Variants in TRIB2 observed in about 807,000 individuals in gnomAD.
The protein encoded by TRIB2 is tribbles pseudokinase 2, also known as tribbles homolog 2.
Under a neutral mutation model 26.8 loss-of-function variants are expected in TRIB2, and 2 were observed. The ratio of observed to expected loss-of-function variants is 0.07; its 90% CI spans 0.03 to 0.24. The LOEUF is 0.24. Ranked by LOEUF, TRIB2 falls within the 10% of genes least tolerant of loss-of-function variation. The pLI is 1.00. For synonymous variants in TRIB2, 189 were observed against 187.3 expected, an observed-to-expected ratio of 1.01 and a Z score of -0.08; for missense variants, 306 against 449.0, an observed-to-expected ratio of 0.68 and a Z score of 2.88.
At chr2:12,727,737 T>C (rs529159199) in intron 2 of TRIB2, among the ~76,000 whole-genome samples, 3 of 152,292 alleles carry the variant, frequency 2.0e-5, no homozygotes, top group East Asian at 1.9e-4. Context: ...CCCAGAGGCA[T>C]TGAGCAGCAT....
chr2:12,721,530 AG>A (rs1478301116), intron 1 of TRIB2, among the ~76,000 whole-genome samples: 1 of 152,216 alleles, frequency 6.6e-6, no homozygotes, highest in Non-Finnish European at 1.5e-5. Flanking sequence ...GCCTGCATTC[AG>A]GGTGTTAAAG....
At chr2:12,724,866 A>G (rs764512877) in intron 2 of TRIB2, 7 of 1,591,818 alleles carry the variant, frequency 4.4e-6, no homozygotes, top group Non-Finnish European at 5.1e-6. Context: ...ACCCCCAACG[A>G]TACTGACAAA....
chr2:12,717,892 G>T lies in TRIB2; in HGVS notation c.-416G>T, dbSNP rs1666631478. 4.2e-6 allele frequency: 1 copy of T among 235,360 alleles called. No individual in the cohort carries two copies. The highest frequency in any genetic ancestry group is 8.2e-6 in the Non-Finnish European group (1 of 121,818). The allele number at this position is 235,360 out of a possible 1,614,324, so 14.6% of individuals were successfully genotyped here. On this transcript the variant is annotated 5_prime_UTR_variant, in exon 1 of 3. Coordinates refer to ENST00000155926, the MANE Select transcript of TRIB2 (RefSeq NM_021643.4). The surrounding 1 kb of genome is among the most constrained non-coding windows in gnomAD (Gnocchi z 4.8). ...CCGAAGACTGCACAAACTACCGCGG[G>T]CTCCTCCGCCCCGTCTGCGATTCGG...
chr2:12,724,815 G>T, intron 2 of TRIB2: 1 of 1,611,610 alleles, frequency 6.2e-7, no homozygotes, highest in Non-Finnish European at 8.5e-7. Flanking sequence ...TGGTGTATGT[G>T]CTTCTTTGAA....
At chr2:12,730,826 A>G (rs992205661) in intron 2 of TRIB2, among the ~76,000 whole-genome samples, 1 of 152,186 alleles carries the variant, frequency 6.6e-6, no homozygotes, top group Non-Finnish European at 1.5e-5. Flanking sequence ...CTCATTTTCA[A>G]TGTTGTTTTC....
intron 2 of TRIB2, among the ~76,000 whole-genome samples, chr2:12,737,825 A>C (rs906211420): frequency 6.6e-6 from 1 of 152,190 alleles, no homozygotes; most frequent in Non-Finnish European, 1.5e-5. Flanking sequence ...AAGATGGTAC[A>C]TGTTATGTTG....
intron 2 of TRIB2, among the ~76,000 whole-genome samples, chr2:12,725,649 C>T (rs190477192): frequency 1.1e-4 from 16 of 152,282 alleles, no homozygotes; most frequent in Non-Finnish European, 1.3e-4. Flanking sequence ...TTGACTTTCG[C>T]GAAAGAGCAT....
chr2:12,731,160 G>A (rs1054561918), intron 2 of TRIB2, among the ~76,000 whole-genome samples: 12 of 152,180 alleles, frequency 7.9e-5, no homozygotes, highest in African/African-American at 2.4e-4. Context: ...AGTGGAGTAC[G>A]GTGTGGAGAA....
intron 2 of TRIB2, among the ~76,000 whole-genome samples, chr2:12,736,767 T>C (rs558643313): frequency 6.6e-6 from 1 of 152,318 alleles, no homozygotes; most frequent in South Asian, 2.1e-4. Flanking sequence ...CCATGGGCTC[T>C]TGGAGGTGGG....
At position 12,732,637 on chromosome 2, in the gene TRIB2, C is replaced by G. The variant is rs1661482776; in HGVS notation, c.564-7689C>G. Among the ~76,000 whole-genome samples the G allele has an allele frequency of 6.6e-6, 1 of 152,198 alleles. No homozygotes were observed. Among genetic ancestry groups the G allele is most frequent in the Non-Finnish European group, 1.5e-5 (1 of 68,046 alleles). On this transcript the variant is annotated intron_variant, in intron 2 of 2. Transcript: ENST00000155926. This position sits in a 1 kb window ranked among gnomAD's most constrained non-coding sequence, Gnocchi z 4.2. The stretch of plus-strand genomic sequence containing the variant: ...TGGAAAAGTCTGTGCATACATGAAC[C>G]AGAATTAAGTGAACGACAATTTATT...
chr2:12,724,435 T>C (rs891893548), intron 2 of TRIB2, among the ~76,000 whole-genome samples: 8 of 152,236 alleles, frequency 5.3e-5, no homozygotes, highest in African/African-American at 1.9e-4. Context: ...AATATGAGTT[T>C]AGAGGGACAG....
intron 2 of TRIB2, chr2:12,724,669 T>G: frequency 6.2e-7 from 1 of 1,612,904 alleles, no homozygotes; most frequent in Non-Finnish European, 8.5e-7. Flanking sequence ...TCCCCTGGTT[T>G]TGCCTTCGAT....
In TRIB2 at chr2:12,723,472, G is replaced by T. The variant is rs191254247; in HGVS notation, c.483G>T (p.Ser161=). The change falls in exon 2 of 3, where the codon TCG becomes TCT. Residue 161 remains serine (S), a synonymous_variant. Transcript: ENST00000155926. The part of the protein sequence containing the change: ...EAARLFYQIA[S]AVAHCHDGGL... ...CCAGACTGTTCTACCAGATTGCCTC[G>T]GCAGTGGCCCACTGCCATGACGGGG... 3.1e-6 allele frequency: 5 copies of T among 1,614,100 alleles called. No individual in the cohort carries two copies. The African/African-American group carries it at 6.7e-5, about 22-fold the overall frequency.
At position 12,718,179 on chromosome 2, in the gene TRIB2, C is replaced by T; in HGVS notation, c.-129C>T. ...CTTCTAACTCTTTCTCCACGCAGCCCCTCTTCTGTCCCCTCCCCTCTCGCT... is the reference window on the plus strand; with the variant it reads ...CTTCTAACTCTTTCTCCACGCAGCCTCTCTTCTGTCCCCTCCCCTCTCGCT... On this transcript the variant is annotated 5_prime_UTR_variant, in exon 1 of 3. Coordinates refer to ENST00000155926, the MANE Select transcript of TRIB2 (RefSeq NM_021643.4). The surrounding 1 kb of genome is among the most constrained non-coding windows in gnomAD (Gnocchi z 4.0). The T allele has an allele frequency of 8.0e-7, 1 of 1,254,898 alleles. No individual in the cohort carries two copies. The allele number at this position is 1,254,898 out of a possible 1,614,324, so 77.7% of individuals were successfully genotyped here. A position where few individuals can be genotyped will look rare whatever the true frequency, so the allele number is the denominator to read the frequency against.
chr2:12,739,352 C>T (rs1661658362), intron 2 of TRIB2, among the ~76,000 whole-genome samples: 1 of 152,300 alleles, frequency 6.6e-6, no homozygotes. Flanking sequence ...CTCCGCCTCC[C>T]GGGTTCAAAC....
intron 2 of TRIB2, among the ~76,000 whole-genome samples, chr2:12,739,346 G>A (rs920777151): frequency 2.0e-5 from 3 of 152,082 alleles, no homozygotes; most frequent in African/African-American, 2.4e-5. Context: ...TGTAACCTCC[G>A]CCTCCCGGGT....
chr2:12,740,942 A>AAGGTCAT lies in TRIB2; in HGVS notation c.*148_*149insAGGTCAT. On this transcript the variant is annotated 3_prime_UTR_variant, in exon 3 of 3. Transcript: ENST00000155926. This position sits in a 1 kb window ranked among gnomAD's most constrained non-coding sequence, Gnocchi z 5.8. ...GTTCAGAGCAGGAAAACCTTCAAGG[A>AAGGTCAT]GCTGACTGACCACGTAGCATGGGGG... 1.3e-6 allele frequency: 1 copy of AAGGTCAT among 762,690 alleles called. No homozygotes were observed. Among genetic ancestry groups the AAGGTCAT allele is most frequent in the East Asian group, 2.7e-5 (1 of 37,028 alleles). The allele number at this position is 762,690 out of a possible 1,614,324, so 47.2% of individuals were successfully genotyped here.
At position 12,741,068 on chromosome 2, in the gene TRIB2, A is replaced by C; in HGVS notation, c.*274A>C. ...GAGACCACCCCTTGCCACTTGGGCC[A>C]CTTCCGCCTACCCCACTTTTCATTT... On this transcript the variant is annotated 3_prime_UTR_variant, in exon 3 of 3. Transcript: ENST00000155926. The C allele has an allele frequency of 2.4e-6, 1 of 408,394 alleles. No homozygotes were observed. The highest frequency in any genetic ancestry group is 4.2e-5 in the East Asian group (1 of 23,684). 25.3% of individuals were successfully genotyped at this position (408,394 alleles called of 1,614,324 possible).
chr2:12,719,235 T>A (rs1226526739), intron 1 of TRIB2, among the ~76,000 whole-genome samples: 4 of 152,156 alleles, frequency 2.6e-5, no homozygotes, highest in Non-Finnish European at 5.9e-5. Context: ...TCTCCCCATC[T>A]CTAGACTTCC....
Sources: gnomAD v4.1 joint callset for allele counts (sites outside exome capture counted in the v4.1 genomes callset) on GRCh38, gnomAD v4.1.1 for gene constraint, Gnocchi (gnomAD v3.1) non-coding constraint, MANE v1.5 for transcripts, NCBI Gene and HGNC (gene_info 2026-07-23, HGNC 2026-07-21) for gene names.